Variants in JAK2 observed in about 807,000 individuals in gnomAD.
The protein encoded by JAK2 is tyrosine-protein kinase JAK2.
In JAK2, 86 loss-of-function variants were observed where a neutral mutation model predicts 139.3. The ratio of observed to expected loss-of-function variants is 0.62; its 90% CI spans 0.52 to 0.74. JAK2 has a LOEUF of 0.74. JAK2 is among the 30% of genes least tolerant of loss of function. JAK2 has a pLI of 0.00. For missense variants in JAK2, 1,421 were observed against 1,360.3 expected (o/e 1.04, Z -0.70); for synonymous variants, 490 against 437.7 (o/e 1.12, Z -1.49).
chr9:5,111,320 C>A (rs1443965691), intron 22 of JAK2: 4 of 448,710 alleles, frequency 8.9e-6, no homozygotes. Flanking sequence ...GCCCCGGACC[C>A]CTGTCCCCCT....
intron 3 of JAK2, among the ~76,000 whole-genome samples, chr9:5,026,252 A>G (rs1822775649): frequency 6.6e-6 from 1 of 152,208 alleles, no homozygotes; most frequent in Non-Finnish European, 1.5e-5. Flanking sequence ...AATTTTTAGT[A>G]CATGATATTG....
At chr9:5,080,711 T>TAATAAA in intron 18 of JAK2, 28 bp downstream of exon 18, 1 of 1,483,914 alleles carries the variant, frequency 6.7e-7, no homozygotes, top group East Asian at 2.4e-5. Context: ...CTTATTGATT[T>TAATAAA]TCCAGCTTTC....
chr9:5,069,859 C>A, intron 11 of JAK2, 66 bp from the exon 12 acceptor site: 4 of 1,049,858 alleles, frequency 3.8e-6, no homozygotes, highest in South Asian at 4.0e-5. Context: ...TCATTTTACT[C>A]CTCTTTGGAG....
In JAK2 at chr9:4,996,663, C is replaced by T; in HGVS notation, c.-26+10641C>T. ...TATTGCTGGAATCCACCATTTAGGA[C>T]CCTGTCTTGTTAAAAAAAAATTATC... is the stretch of plus-strand genomic sequence containing the variant. On this transcript the variant is annotated intron_variant, in intron 2 of 24. Coordinates refer to ENST00000381652, the MANE Select transcript of JAK2 (RefSeq NM_004972.4). Among the ~76,000 whole-genome samples, 2 of 144,208 alleles carry T rather than the reference C, an allele frequency of 1.4e-5. 1 individual carries two copies. Among genetic ancestry groups the T allele is most frequent in the East Asian group, 3.9e-4 (2 of 5,072 alleles). The allele number at this position is 144,208 out of a possible 152,430, so 94.6% of individuals were successfully genotyped here.
chr9:5,030,842 A>G (rs1823097203), intron 4 of JAK2, among the ~76,000 whole-genome samples: 1 of 152,116 alleles, frequency 6.6e-6, no homozygotes, highest in African/African-American at 2.4e-5. Context: ...ATTTGCACTG[A>G]GTTCAAAAAA....
At chr9:5,122,958 C>T (rs753619602) in intron 22 of JAK2, 46 bp from the exon 23 acceptor site, 4 of 1,200,726 alleles carry the variant, frequency 3.3e-6, no homozygotes, top group Admixed American at 2.0e-5. Context: ...ATCAAGAGTC[C>T]ACATATCAAG....
At chr9:5,045,976 G>C (rs536753573) in intron 5 of JAK2, among the ~76,000 whole-genome samples, 1 of 152,186 alleles carries the variant, frequency 6.6e-6, no homozygotes, top group East Asian at 1.9e-4. Flanking sequence ...GTTTTCTGTA[G>C]TGGCTGCACT....
chr9:5,008,919 G>T (rs1455051205), intron 2 of JAK2, among the ~76,000 whole-genome samples: 1 of 151,900 alleles, frequency 6.6e-6, no homozygotes, highest in Non-Finnish European at 1.5e-5. Flanking sequence ...CTTTCTGTCT[G>T]TCTCTTTCTC....
intron 19 of JAK2, among the ~76,000 whole-genome samples, chr9:5,083,792 C>T (rs1819881458): frequency 6.8e-6 from 1 of 146,620 alleles, no homozygotes; most frequent in Admixed American, 6.8e-5. Flanking sequence ...AGTAATTTTT[C>T]TAGTTATGAA....
intron 20 of JAK2, 134 bp downstream of exon 20, chr9:5,089,997 G>A (rs1435178029): frequency 2.0e-6 from 1 of 495,164 alleles, no homozygotes. Flanking sequence ...AATGACTAGA[G>A]ATTGTGTTTG....
chr9:5,073,731 C>A lies in JAK2; in HGVS notation c.1810C>A (p.Leu604Ile). The A allele has an allele frequency of 6.2e-7, 1 of 1,612,286 alleles. No homozygotes were observed. The highest frequency in any genetic ancestry group is 8.5e-7 in the Non-Finnish European group (1 of 1,179,092). Residue 604 changes from leucine to isoleucine, a missense_variant, in exon 14 of 25, where the codon CTT (leucine) becomes ATT (isoleucine). By Grantham distance (5) the Leu-to-Ile change is conservative. Coordinates refer to ENST00000381652, the MANE Select transcript of JAK2 (RefSeq NM_004972.4). ...FFEAASMMSK[L>I]SHKHLVLNYG... The stretch of plus-strand genomic sequence containing the variant: ...TGAAGCAGCAAGTATGATGAGCAAG[C>A]TTTCTCACAAGCATTTGGTTTTAAA...
intron 3 of JAK2, among the ~76,000 whole-genome samples, chr9:5,028,111 C>T (rs1348046513): frequency 6.6e-6 from 1 of 152,172 alleles, no homozygotes; most frequent in African/African-American, 2.4e-5. Context: ...AACACTGTGA[C>T]AGCCATAACC....
chr9:5,049,248 G>GAC lies in JAK2; in HGVS notation c.469-1436_469-1435dup, dbSNP rs549099806. On this transcript the variant is annotated intron_variant, in intron 5 of 24. Coordinates refer to ENST00000381652, the MANE Select transcript of JAK2 (RefSeq NM_004972.4). ...TTGCTACTACTCTGCCAATGGAAGA[G>GAC]ACATGATGAAAACAGATCTCCATAG... Among the ~76,000 whole-genome samples the GAC allele has an allele frequency of 5.1e-3, 779 of 152,258 alleles. 6 individuals carry two copies. Among genetic ancestry groups the GAC allele is most frequent in the African/African-American group, 0.018 (731 of 41,562 alleles).
chr9:5,044,986 C>G lies in JAK2; in HGVS notation c.468+466C>G, dbSNP rs868822929. Among the ~76,000 whole-genome samples, 3 of 152,070 alleles carry G rather than the reference C, an allele frequency of 2.0e-5. No homozygotes were observed. In the South Asian group the frequency reaches 6.2e-4, roughly 31 times the overall value. ...TGTTTAGCTGTTTATAGGAAGGTGA[C>G]TGGATGTTGATACTTAGTCTAAGAG... On this transcript the variant is annotated intron_variant, in intron 5 of 24. Coordinates refer to ENST00000381652, the MANE Select transcript of JAK2 (RefSeq NM_004972.4).
At chr9:5,114,317 G>C in intron 22 of JAK2, 1 of 542,834 alleles carries the variant, frequency 1.8e-6, no homozygotes, top group South Asian at 1.6e-5. Context: ...AGGCCAGTGG[G>C]AAGTCTGTGG....
chr9:5,118,075 G>A (rs1461418263), intron 22 of JAK2, among the ~76,000 whole-genome samples: 1 of 152,078 alleles, frequency 6.6e-6, no homozygotes, highest in African/African-American at 2.4e-5. Flanking sequence ...CTTTAAATGT[G>A]TCCAACTGAA....
At chr9:4,989,293 CT>C (rs377061533) in intron 2 of JAK2, among the ~76,000 whole-genome samples, 18 of 152,052 alleles carry the variant, frequency 1.2e-4, no homozygotes, top group African/African-American at 3.6e-4. Context: ...CTCCATCCCT[CT>C]TTTTTTTCCT....
chr9:5,085,808 C>T, intron 19 of JAK2: 2 of 758,318 alleles, frequency 2.6e-6, no homozygotes, highest in South Asian at 1.4e-5. Flanking sequence ...CCATTAGTAC[C>T]ACAATAATTG....
intron 2 of JAK2, among the ~76,000 whole-genome samples, chr9:4,993,552 G>A (rs893556788): frequency 4.6e-5 from 7 of 152,194 alleles, no homozygotes; most frequent in African/African-American, 1.4e-4. Context: ...CCATGTTAAT[G>A]TAGGTGACAG....
Sources: allele counts gnomAD v4.1 joint callset (sites outside exome capture counted in the v4.1 genomes callset), GRCh38; gene constraint gnomAD v4.1.1; transcripts MANE v1.5; gene names NCBI Gene and HGNC (gene_info 2026-07-23, HGNC 2026-07-21).